VOPP1: variants seen among roughly 807,000 people sequenced by gnomAD.
VOPP1 encodes VOPP1 WW domain binding protein.
VOPP1 carries 8 observed loss-of-function variants against 23.5 expected under a neutral mutation model. That is an observed-to-expected ratio of 0.34 (90% confidence interval 0.20 to 0.61). The LOEUF is 0.61. VOPP1 is among the 20% of genes least tolerant of loss of function. The pLI, the probability that VOPP1 is intolerant of heterozygous loss-of-function variation, is 0.78. For synonymous variants in VOPP1, 83 were observed against 97.3 expected (o/e 0.85, Z 0.86); for missense variants, 174 against 238.1 (o/e 0.73, Z 1.77).
chr7:55,456,258 G>A (rs561706232), intron 4 of VOPP1, among the ~76,000 whole-genome samples: 2 of 152,132 alleles, frequency 1.3e-5, no homozygotes, highest in Admixed American at 6.5e-5. Context: ...AAACCAACTC[G>A]TGCCAGTTAG....
At chr7:55,460,105 T>C (rs1791463678) in intron 4 of VOPP1, among the ~76,000 whole-genome samples, 1 of 152,172 alleles carries the variant, frequency 6.6e-6, no homozygotes, top group Non-Finnish European at 1.5e-5. Context: ...TTTTTAAAAA[T>C]TTCCTCTCAA....
intron 4 of VOPP1, among the ~76,000 whole-genome samples, chr7:55,439,105 G>A (rs1005041527): frequency 3.3e-5 from 5 of 152,124 alleles, no homozygotes; most frequent in Non-Finnish European, 7.4e-5. Context: ...GGAAGTCTGT[G>A]ATGGAGGCGT....
chr7:55,498,447 A>AGAT (rs201244811), intron 2 of VOPP1, among the ~76,000 whole-genome samples: 1 of 1,996 alleles, frequency 5.0e-4, no homozygotes, highest in Non-Finnish European at 1.4e-3. Flanking sequence ...CAGGTGAGGC[A>AGAT]CTCAGGTGAG....
intron 4 of VOPP1, among the ~76,000 whole-genome samples, chr7:55,462,701 G>C (rs1261069136): frequency 6.9e-6 from 1 of 145,588 alleles, no homozygotes; most frequent in Admixed American, 7.0e-5. Context: ...TGTTGCCCAG[G>C]CTGGAGTGCA....
At chr7:55,540,178 T>G (rs1324797260) in intron 1 of VOPP1, among the ~76,000 whole-genome samples, 1 of 151,818 alleles carries the variant, frequency 6.6e-6, no homozygotes, top group African/African-American at 2.4e-5. Context: ...GGAGGGTGGA[T>G]CACGAGGTCA....
intron 2 of VOPP1, among the ~76,000 whole-genome samples, chr7:55,505,643 AAGGAAGGAAGGG>A (rs1306911866): frequency 1.1e-4 from 10 of 93,932 alleles, no homozygotes; most frequent in African/African-American, 4.2e-4. Context: ...GGAAAAAAGG[AAGGAAGGAAGGG>A]AGGGAGGGAG....
intron 1 of VOPP1, among the ~76,000 whole-genome samples, chr7:55,539,999 C>T (rs780896073): frequency 2.0e-5 from 3 of 151,536 alleles, no homozygotes; most frequent in South Asian, 4.1e-4. Flanking sequence ...TAATCCCCAA[C>T]TTAGGGATGG....
intron 2 of VOPP1, among the ~76,000 whole-genome samples, chr7:55,503,967 T>C (rs900941388): frequency 1.3e-5 from 2 of 152,252 alleles, no homozygotes; most frequent in African/African-American, 2.4e-5. Flanking sequence ...AGAAAAATCA[T>C]CTCTGCATCT....
chr7:55,542,263 G>C (rs1797165488), intron 1 of VOPP1, among the ~76,000 whole-genome samples: 1 of 152,114 alleles, frequency 6.6e-6, no homozygotes, highest in Admixed American at 6.6e-5. Context: ...CCTGTGTTGG[G>C]AACATTCCAA....
chr7:55,530,651 C>A (rs1796447098), intron 1 of VOPP1, among the ~76,000 whole-genome samples: 1 of 152,166 alleles, frequency 6.6e-6, no homozygotes, highest in South Asian at 2.1e-4. Context: ...CCACGACCCA[C>A]CCTTTGGAAT....
chr7:55,453,252 A>G (rs1038165468), intron 4 of VOPP1, among the ~76,000 whole-genome samples: 9 of 152,204 alleles, frequency 5.9e-5, no homozygotes, highest in Non-Finnish European at 1.2e-4. Context: ...TTCAGCCTCC[A>G]TAGAATTGAA....
chr7:55,497,198 G>A (rs1175875738), intron 3 of VOPP1, among the ~76,000 whole-genome samples: 1 of 152,264 alleles, frequency 6.6e-6, no homozygotes. Flanking sequence ...TCTTGAAAGC[G>A]AAGAGTCAGC....
chr7:55,492,130 T>C (rs548903704), intron 4 of VOPP1, 152 bp downstream of exon 4: 6 of 1,129,684 alleles, frequency 5.3e-6, no homozygotes, highest in South Asian at 2.1e-5. Flanking sequence ...TCTGCACAAA[T>C]GCACAATGGA....
rs143125460 is a variant in VOPP1, at chr7:55,529,060, T to C, written c.55-7930A>G. On this transcript the variant is annotated intron_variant, in intron 1 of 4. Coordinates refer to ENST00000285279, the MANE Select transcript of VOPP1 (RefSeq NM_030796.5). ...CTTCAATTCTGATGATAGAGGCTGT[T>C]GTGGCAAGAGACAAGGGACACATAA... Among the ~76,000 whole-genome samples the C allele has an allele frequency of 1.1e-3, 170 of 152,188 alleles. 1 individual carries two copies. Among genetic ancestry groups the C allele is most frequent in the African/African-American group, 3.5e-3 (146 of 41,570 alleles).
chr7:55,538,667 T>C, intron 1 of VOPP1: 1 of 1,535,846 alleles, frequency 6.5e-7, no homozygotes, highest in Non-Finnish European at 8.7e-7. Context: ...TTGTGTGTAA[T>C]GACAAAAACA....
At chr7:55,458,900 C>T (rs993544750) in intron 4 of VOPP1, among the ~76,000 whole-genome samples, 1 of 152,114 alleles carries the variant, frequency 6.6e-6, no homozygotes, top group African/African-American at 2.4e-5. Context: ...CTGGCTAGAA[C>T]TTCTAGTGCT....
intron 4 of VOPP1, among the ~76,000 whole-genome samples, chr7:55,456,214 T>C (rs1791363353): frequency 6.6e-6 from 1 of 152,180 alleles, no homozygotes; most frequent in Admixed American, 6.5e-5. Context: ...TCATCACTGG[T>C]CATTAGAGAA....
rs1347742678 is a variant in VOPP1 at position 55,475,348 on chromosome 7, G to T, written c.329-2303C>A. 2.6e-5 allele frequency among the ~76,000 whole-genome samples: 4 copies of T among 152,170 alleles called. 1 individual carries two copies. Among genetic ancestry groups the T allele is most frequent in the African/African-American group, 9.7e-5 (4 of 41,442 alleles). On this transcript the variant is annotated intron_variant, in intron 4 of 4. Transcript: ENST00000285279. ...GTGTGGCCCTGAAAAGCACAGCAAGGGACTCGGCCACCACAGGTTTGGCGG... is the reference window on the plus strand; with the variant it reads ...GTGTGGCCCTGAAAAGCACAGCAAGTGACTCGGCCACCACAGGTTTGGCGG...
chr7:55,469,254 G>A (rs1214229383), downstream of VOPP1, among the ~76,000 whole-genome samples: 2 of 152,078 alleles, frequency 1.3e-5, no homozygotes, highest in African/African-American at 2.4e-5. Context: ...TGAGCCCTTT[G>A]AGCTCAAAAA....
Sources: allele counts gnomAD v4.1 joint callset (sites outside exome capture counted in the v4.1 genomes callset), GRCh38; gene constraint gnomAD v4.1.1; transcripts MANE v1.5; gene names NCBI Gene and HGNC (gene_info 2026-07-23, HGNC 2026-07-21).